The following MBTD1 variants were observed in gnomAD, a reference collection of about 807,000 sequenced individuals.
MBTD1 encodes the protein MBT domain-containing protein 1.
MBTD1 carries 24 observed loss-of-function variants against 87.8 expected under a neutral mutation model. That is an observed-to-expected ratio of 0.27 (90% confidence interval 0.20 to 0.38). MBTD1 has a LOEUF of 0.38. Among genes scored for constraint, MBTD1 ranks in the 10% least tolerant of loss-of-function variants. The pLI is 1.00. For synonymous variants in MBTD1, 237 were observed against 248.6 expected (o/e 0.95, Z 0.44); for missense variants, 436 against 760.2 (o/e 0.57, Z 5.02).
At chr17:51,187,687 T>C (rs1051922665) in intron 16 of MBTD1, among the ~76,000 whole-genome samples, 7 of 151,820 alleles carry the variant, frequency 4.6e-5, no homozygotes, top group African/African-American at 1.7e-4. Context: ...CCGTCTCTAC[T>C]AAAAATACAA....
At chr17:51,239,277 A>T (rs1249048863) in intron 2 of MBTD1, among the ~76,000 whole-genome samples, 1 of 152,180 alleles carries the variant, frequency 6.6e-6, no homozygotes, top group Non-Finnish European at 1.5e-5. Flanking sequence ...ATTTTTCATA[A>T]AACTTAATTC....
At chr17:51,220,549 T>C (rs1259821533) in intron 3 of MBTD1, 86 bp from the exon 4 acceptor site, 4 of 1,284,358 alleles carry the variant, frequency 3.1e-6, no homozygotes, top group Non-Finnish European at 4.2e-6. Flanking sequence ...TCTCCTGCCA[T>C]CTGAAAGTTT....
At chr17:51,215,041 G>C (rs2052486872) in intron 6 of MBTD1, among the ~76,000 whole-genome samples, 1 of 152,210 alleles carries the variant, frequency 6.6e-6, no homozygotes, top group Admixed American at 6.5e-5. Context: ...CCAGTTAAGA[G>C]AGCAAGCTCT....
rs1491325264 is a variant in MBTD1, at chr17:51,179,482, T to TTATATATATATATATATTTTTATATA, written c.*1093_*1094insTATATAAAAATATATATATATATATA. The TTATATATATATATATATTTTTATATA allele has an allele frequency of 6.3e-5, 2 of 31,640 alleles. No homozygotes were observed. Among genetic ancestry groups the TTATATATATATATATATTTTTATATA allele is most frequent in the Non-Finnish European group, 1.1e-4 (2 of 18,742 alleles). 2.0% of individuals were successfully genotyped at this position (31,640 alleles called of 1,614,324 possible). On this transcript the variant is annotated 3_prime_UTR_variant, in exon 17 of 17. Coordinates refer to ENST00000586178, the MANE Select transcript of MBTD1 (RefSeq NM_017643.3). The stretch of plus-strand genomic sequence containing the variant: ...AAATCCTGAATACAATTAAAGACAA[T>TTATATATATATATATATTTTTATATA]TTTATATATATATATATATATATAT...
chr17:51,260,860 G>A (rs1351954853), upstream of MBTD1: 54 of 1,601,866 alleles, frequency 3.4e-5, no homozygotes, highest in Non-Finnish European at 4.5e-5. Context: ...GGTGCTTGGA[G>A]GAGCTGGTCT....
Position 51,214,317 on chromosome 17 carries a change from T to TA in MBTD1, c.486+3016dup, listed in dbSNP as rs553553684. On this transcript the variant is annotated intron_variant, in intron 6 of 16. Coordinates refer to ENST00000586178, the MANE Select transcript of MBTD1 (RefSeq NM_017643.3). ...GGGGCTTGATTTCCACTGCCGATTA[T>TA]AAAAAAAAAATTGTCCAATACTGTT... Among the ~76,000 whole-genome samples the TA allele has an allele frequency of 2.2e-3, 330 of 149,398 alleles. 4 individuals carry two copies. The South Asian group carries it at 0.026, about 12-fold the overall frequency.
intron 2 of MBTD1, among the ~76,000 whole-genome samples, chr17:51,231,755 G>C (rs2053561571): frequency 6.6e-6 from 1 of 151,840 alleles, no homozygotes; most frequent in Non-Finnish European, 1.5e-5. Flanking sequence ...CTAATCTAAG[G>C]AACACTAGTT....
chr17:51,223,460 C>G lies in MBTD1; in HGVS notation c.154+1548G>C, dbSNP rs193231344. On this transcript the variant is annotated intron_variant, in intron 3 of 16. Transcript: ENST00000586178. ...ATGAGGTGAGAGGATCACCTGAGCT[C>G]GGGAGGCAGAGATTGCAGTGAGTCG... 2.3e-3 allele frequency among the ~76,000 whole-genome samples: 352 copies of G among 152,036 alleles called. 1 individual carries two copies. The highest frequency in any genetic ancestry group is 6.8e-3 in the Middle Eastern group (2 of 294).
intron 2 of MBTD1, among the ~76,000 whole-genome samples, chr17:51,248,285 T>C (rs2054566757): frequency 6.6e-6 from 1 of 152,244 alleles, no homozygotes; most frequent in South Asian, 2.1e-4. Context: ...CATTTCTGAA[T>C]TGGGAATTTA....
Position 51,259,154 on chromosome 17 carries a change from G to A in MBTD1, c.-60C>T. 1 of 731,042 alleles carries A rather than the reference G, an allele frequency of 1.4e-6. No individual in the cohort carries two copies. Among genetic ancestry groups the A allele is most frequent in the African/African-American group, 1.8e-5 (1 of 54,902 alleles). 45.3% of individuals were successfully genotyped at this position (731,042 alleles called of 1,614,324 possible). A position where few individuals can be genotyped will look rare whatever the true frequency, so the allele number is the denominator to read the frequency against. ...TTCAGACTACCTACCACTTGTCAGA[G>A]AGGCTGCAGAGGGGACGGCTGCTTT... On this transcript the variant is annotated 5_prime_UTR_variant, in exon 2 of 17. Transcript: ENST00000586178.
intron 2 of MBTD1, among the ~76,000 whole-genome samples, chr17:51,231,082 C>T (rs745533912): frequency 1.1e-4 from 16 of 152,086 alleles, no homozygotes; most frequent in Non-Finnish European, 2.1e-4. Flanking sequence ...GGACTACAGG[C>T]GCCTGCCACC....
chr17:51,190,591 A>G (rs951522623), intron 16 of MBTD1, among the ~76,000 whole-genome samples: 1 of 150,386 alleles, frequency 6.6e-6, no homozygotes, highest in Non-Finnish European at 1.5e-5. Context: ...GCATGGTGGT[A>G]TACTCCTGTA....
At chr17:51,219,325 T>C (rs1270059715) in intron 4 of MBTD1, among the ~76,000 whole-genome samples, 2 of 152,308 alleles carry the variant, frequency 1.3e-5, no homozygotes, top group Admixed American at 6.5e-5. Flanking sequence ...TGTTAAAATA[T>C]AGGCTGTGGT....
chr17:51,260,270 G>A (rs1406354378), upstream of MBTD1: 8 of 479,408 alleles, frequency 1.7e-5, no homozygotes, highest in Admixed American at 1.6e-4. Flanking sequence ...AGCCGTCCCA[G>A]TGTATAGTCG....
intron 12 of MBTD1, 70 bp downstream of exon 12, chr17:51,201,522 G>T: frequency 1.1e-6 from 1 of 882,038 alleles, no homozygotes; most frequent in South Asian, 1.5e-5. Context: ...ATATGCTTGG[G>T]GACTCCTTCT....
At chr17:51,206,523 C>T (rs548717974) in intron 7 of MBTD1, among the ~76,000 whole-genome samples, 4 of 152,148 alleles carry the variant, frequency 2.6e-5, no homozygotes, top group East Asian at 3.9e-4. Flanking sequence ...CTAAGAATTA[C>T]TTTTACATTT....
chr17:51,212,847 T>C (rs1231843936), intron 6 of MBTD1, among the ~76,000 whole-genome samples: 1 of 151,874 alleles, frequency 6.6e-6, no homozygotes, highest in Non-Finnish European at 1.5e-5. Context: ...ACCTCCACCT[T>C]CCGGTTTCAA....
At chr17:51,184,096 TAAAAA>T (rs1242372427) in intron 16 of MBTD1, 1 of 152,222 alleles carries the variant, frequency 6.6e-6, no homozygotes, top group Admixed American at 6.5e-5. Context: ...AATGATGTGC[TAAAAA>T]AAGTCACTCA....
chr17:51,221,260 T>C (rs961419235), intron 3 of MBTD1, among the ~76,000 whole-genome samples: 2 of 152,156 alleles, frequency 1.3e-5, no homozygotes, highest in Non-Finnish European at 2.9e-5. Flanking sequence ...ATCGCACCAC[T>C]GCACTCTCGC....
Sources: allele counts gnomAD v4.1 joint callset (sites outside exome capture counted in the v4.1 genomes callset), GRCh38; gene constraint gnomAD v4.1.1; transcripts MANE v1.5; gene names NCBI Gene and HGNC (gene_info 2026-07-23, HGNC 2026-07-21).